SGSH: variants seen among roughly 807,000 people sequenced by gnomAD.
The protein encoded by SGSH is N-sulfoglucosamine sulfohydrolase.
SGSH carries 48 observed loss-of-function variants against 51.0 expected under a neutral mutation model. The ratio of observed to expected loss-of-function variants is 0.94; its 90% CI spans 0.75 to 1.20. The LOEUF is 1.20. Among genes scored for constraint, SGSH ranks in the 50% most tolerant of loss-of-function variants. The probability of loss-of-function intolerance (pLI) is 0.00; values close to 1 mark genes in which losing one functional copy is unlikely to be tolerated. For synonymous variants in SGSH, 321 were observed against 313.4 expected (o/e 1.02, Z -0.26); for missense variants, 662 against 717.8 (o/e 0.92, Z 0.89).
rs1333750382 is a variant in SGSH, at chr17:80,217,201, G to A, written c.89-9C>T. 4.4e-6 allele frequency: 7 copies of A among 1,595,828 alleles called. No individual in the cohort carries two copies. The highest frequency in any genetic ancestry group is 6.0e-6 in the Non-Finnish European group (7 of 1,176,298). ...AAAGCCTCCGTCATCCGCTGCGTGA[G>A]GTGGGAGACAGAGAGTGCACGGTCG... On this transcript the variant is annotated splice_polypyrimidine_tract_variant and intron_variant, in intron 1 of 7. Transcript: ENST00000326317.
chr17:80,217,483 A>G (rs1203467969), intron 1 of SGSH, among the ~76,000 whole-genome samples: 1 of 150,856 alleles, frequency 6.6e-6, no homozygotes, highest in African/African-American at 2.4e-5. Context: ...AGAAGACCCC[A>G]TACCCACTGG....
chr17:80,205,856 A>C, downstream of SGSH: 1 of 485,384 alleles, frequency 2.1e-6, no homozygotes, highest in Non-Finnish European at 3.6e-6. Context: ...AGGTCTCCCA[A>C]CTCCTTGAAT....
In SGSH at chr17:80,213,532, C is replaced by T; in HGVS notation, c.745+272G>A. The T allele has an allele frequency of 1.8e-6, 1 of 555,446 alleles. No homozygotes were observed. Among genetic ancestry groups the T allele is most frequent in the Non-Finnish European group, 3.2e-6 (1 of 310,630 alleles). The allele number at this position is 555,446 out of a possible 1,614,324, so 34.4% of individuals were successfully genotyped here. A position where few individuals can be genotyped will look rare whatever the true frequency, so the allele number is the denominator to read the frequency against. ...CCAAACCCCCAAATCTGACCCAGGT[C>T]CTGTGACTGGAAATATCTGAAGTCT... On this transcript the variant is annotated intron_variant, in intron 6 of 7. Transcript: ENST00000326317. This position sits in a 1 kb window ranked among gnomAD's most constrained non-coding sequence, Gnocchi z 4.6.
chr17:80,211,734 G>C (rs939821137), intron 7 of SGSH: 21 of 390,710 alleles, frequency 5.4e-5, no homozygotes, highest in Non-Finnish European at 7.8e-5. Flanking sequence ...CTACTGAATC[G>C]GACACCCTGG....
chr17:80,212,452 C>T lies in SGSH; in HGVS notation c.746-178G>A. ...GCTCTTGCCCAGCTCTTGCCCAGCT[C>T]CGCCCAGCTCCCATTCCCTGAGCAG... On this transcript the variant is annotated intron_variant, in intron 6 of 7. Transcript: ENST00000326317. This position sits in a 1 kb window ranked among gnomAD's most constrained non-coding sequence, Gnocchi z 5.9. The T allele has an allele frequency of 1.5e-6, 1 of 661,786 alleles. No individual in the cohort carries two copies. Among genetic ancestry groups the T allele is most frequent in the South Asian group, 1.7e-5 (1 of 59,668 alleles). 41.0% of individuals were successfully genotyped at this position (661,786 alleles called of 1,614,324 possible).
rs1452808824 is a variant in SGSH, at chr17:80,210,965, G to A, written c.996C>T (p.Ser332=). 1 of 1,601,276 alleles carries A rather than the reference G, an allele frequency of 6.2e-7. No homozygotes were observed. Among genetic ancestry groups the A allele is most frequent in the Non-Finnish European group, 8.5e-7 (1 of 1,179,870 alleles). The change falls in exon 8 of 8, where the codon AGC becomes AGT. Residue 332 remains serine (S), a synonymous_variant. Transcript: ENST00000326317. ...ILDWFSIPYP[S]YAIFGSKTIH... ...TGGTCTTCGAGCCAAAGATGGCGTA[G>A]CTGGGGTACGGGATCGAGAACCAAT...
At chr17:80,214,510 G>T in intron 4 of SGSH, 105 bp downstream of exon 4, 1 of 1,348,668 alleles carries the variant, frequency 7.4e-7, no homozygotes, top group Non-Finnish European at 1.0e-6. Context: ...CTTCTCCCCT[G>T]CCCCCATTCG....
downstream of SGSH, chr17:80,204,454 G>A: frequency 9.7e-7 from 1 of 1,028,520 alleles, no homozygotes; most frequent in South Asian, 1.8e-5. Context: ...TTTAGGCCAG[G>A]ATCTGGTCTT....
At chr17:80,207,260 C>T (rs2041375361), downstream of SGSH, among the ~76,000 whole-genome samples, 1 of 152,092 alleles carries the variant, frequency 6.6e-6, no homozygotes, top group African/African-American at 2.4e-5. Context: ...ATGAGATTCC[C>T]CTGATTTTGG....
Position 80,214,207 on chromosome 17 carries a change from A to G in SGSH, c.628T>C (p.Trp210Arg), listed in dbSNP as rs1268158872. Residue 210 changes from tryptophan to arginine, a missense_variant, in exon 5 of 8, where the codon TGG (tryptophan) becomes CGG (arginine). Trp to Arg is a moderately radical substitution (Grantham distance 101). Coordinates refer to ENST00000326317, the MANE Select transcript of SGSH (RefSeq NM_000199.5). The part of the protein sequence containing the change: ...GESGMGRIPD[W>R]TPQAYDPLDV... ...AGTGGGTCGTAGGCCTGGGGGGTCC[A>G]GTCTGGGATACGACCCATGCCGCTC... 6.2e-7 allele frequency: 1 copy of G among 1,612,258 alleles called. No individual in the cohort carries two copies. The highest frequency in any genetic ancestry group is 1.1e-5 in the South Asian group (1 of 90,846).
At chr17:80,205,458 GGT>G, downstream of SGSH, 1 of 1,543,588 alleles carries the variant, frequency 6.5e-7, no homozygotes, top group African/African-American at 1.4e-5. Flanking sequence ...CGGGGACAGG[GGT>G]GTTTACCATG....
chr17:80,217,327 A>C (rs2041931670), intron 1 of SGSH, 135 bp from the exon 2 acceptor site: 1 of 991,050 alleles, frequency 1.0e-6, no homozygotes, highest in Non-Finnish European at 1.5e-6. Flanking sequence ...CAGTGTGAAC[A>C]CTCAGCGCGA....
downstream of SGSH, chr17:80,202,545 A>AG: frequency 6.8e-7 from 1 of 1,467,526 alleles, no homozygotes; most frequent in Non-Finnish European, 9.0e-7. Context: ...CCCCCTAAGG[A>AG]GGGAAGCCTG....
At chr17:80,202,433 C>G (rs759246881), downstream of SGSH, 5 of 1,607,118 alleles carry the variant, frequency 3.1e-6, no homozygotes, top group African/African-American at 5.3e-5. Context: ...GAGCAGCTGC[C>G]TCGAGCTCGG....
At position 80,213,977 on chromosome 17, in the gene SGSH, G is replaced by A. The variant is rs928284256; in HGVS notation, c.664-92C>T. ...CCCGGGGCCTCCTGCAAATGGGTTA[G>A]CCCAGAACAGCCTCACTCCGGACCA... On this transcript the variant is annotated intron_variant, in intron 5 of 7. Transcript: ENST00000326317. This position sits in a 1 kb window ranked among gnomAD's most constrained non-coding sequence, Gnocchi z 4.6. The A allele has an allele frequency of 4.4e-6, 6 of 1,349,426 alleles. No homozygotes were observed. The Admixed American group carries it at 7.9e-5, about 18-fold the overall frequency. 83.6% of individuals were successfully genotyped at this position (1,349,426 alleles called of 1,614,324 possible).
downstream of SGSH, chr17:80,202,597 C>T (rs1598698403): frequency 7.0e-7 from 1 of 1,430,556 alleles, no homozygotes; most frequent in Non-Finnish European, 9.1e-7. Context: ...GTGATGGATG[C>T]TTTATATATT....
chr17:80,202,385 T>TA, downstream of SGSH: 1 of 1,613,100 alleles, frequency 6.2e-7, no homozygotes, highest in Non-Finnish European at 8.5e-7. Context: ...CCATGAAGGA[T>TA]ACTGCCGCGC....
intron 1 of SGSH, among the ~76,000 whole-genome samples, chr17:80,219,419 C>G (rs995085815): frequency 3.3e-5 from 5 of 152,242 alleles, no homozygotes; most frequent in African/African-American, 1.2e-4. Context: ...CCAGGGGCCG[C>G]ATAGCCTGGA....
Position 80,214,781 on chromosome 17 carries a change from G to GTCCAGAT in SGSH, c.356-17_356-16insATCTGGA. The GTCCAGAT allele has an allele frequency of 6.2e-7, 1 of 1,608,582 alleles. No individual in the cohort carries two copies. The highest frequency in any genetic ancestry group is 8.5e-7 in the Non-Finnish European group (1 of 1,179,930). ...CCGATGATGCCTGGGCGGGAAGAGA[G>GTCCAGAT]GCCTGGCCAGAGTCCCTTCAGCCTC... On this transcript the variant is annotated splice_polypyrimidine_tract_variant and intron_variant, in intron 3 of 7. Coordinates refer to ENST00000326317, the MANE Select transcript of SGSH (RefSeq NM_000199.5).
Sources: allele counts gnomAD v4.1 joint callset (sites outside exome capture counted in the v4.1 genomes callset), GRCh38; gene constraint gnomAD v4.1.1; non-coding constraint Gnocchi (gnomAD v3.1); transcripts MANE v1.5; gene names NCBI Gene and HGNC (gene_info 2026-07-23, HGNC 2026-07-21).